GABRR2: variants seen among roughly 807,000 people sequenced by gnomAD.
The protein encoded by GABRR2 is gamma-aminobutyric acid receptor subunit rho-2.
In GABRR2, 36 loss-of-function variants were observed where a neutral mutation model predicts 47.0. The ratio of observed to expected loss-of-function variants is 0.77; its 90% CI spans 0.59 to 1.01. GABRR2 has a LOEUF of 1.01. Among genes scored for constraint, GABRR2 ranks in the 50% least tolerant of loss-of-function variants. The pLI is 0.00. For missense variants in GABRR2, 587 were observed against 594.6 expected, an observed-to-expected ratio of 0.99 and a Z score of 0.13; for synonymous variants, 204 against 227.5, an observed-to-expected ratio of 0.90 and a Z score of 0.93.
In GABRR2 at chr6:89,267,756, T is replaced by C. The variant is rs139525589; in HGVS notation, c.659A>G (p.Asp220Gly). Reference sequence around the variant, plus strand: ...AAACTGAGACAAGGAGATCTTCTCATCTGTTTTTAGGGATTCATCCCCATT... The same window carrying C: ...AAACTGAGACAAGGAGATCTTCTCACCTGTTTTTAGGGATTCATCCCCATT... ...WKNGDESLKT[D>G]EKISLSQFLI... Residue 220 changes from aspartate (D) to glycine (G), a missense_variant, in exon 6 of 9, where the codon GAT becomes GGT. By Grantham distance (94) the Asp-to-Gly change is moderately conservative. Transcript: ENST00000402938. The C allele has an allele frequency of 4.3e-6, 7 of 1,613,928 alleles. No individual in the cohort carries two copies. The African/African-American group carries it at 9.3e-5, about 22-fold the overall frequency.
At chr6:89,304,105 G>A (rs1014351610) in intron 1 of GABRR2, among the ~76,000 whole-genome samples, 6 of 152,124 alleles carry the variant, frequency 3.9e-5, no homozygotes, top group African/African-American at 1.4e-4. Context: ...ATTGAGAAAT[G>A]GGATCTTATT....
At chr6:89,304,743 C>T (rs1007965811) in intron 1 of GABRR2, among the ~76,000 whole-genome samples, 13 of 151,982 alleles carry the variant, frequency 8.6e-5, no homozygotes, top group Admixed American at 3.9e-4. Flanking sequence ...AATGAGATAC[C>T]GTCTCACACC....
At chr6:89,261,272 C>G (rs573708228) in intron 8 of GABRR2, among the ~76,000 whole-genome samples, 1 of 152,228 alleles carries the variant, frequency 6.6e-6, no homozygotes, top group Admixed American at 6.5e-5. Context: ...GGTCAGTGTA[C>G]AAATTACTGA....
At chr6:89,281,073 T>C (rs1774248940) in intron 2 of GABRR2, among the ~76,000 whole-genome samples, 1 of 152,246 alleles carries the variant, frequency 6.6e-6, no homozygotes, top group South Asian at 2.1e-4. Flanking sequence ...CAGAGATGAA[T>C]TTGAATAAGA....
chr6:89,302,780 C>T, intron 1 of GABRR2: 3 of 1,444,408 alleles, frequency 2.1e-6, no homozygotes, highest in South Asian at 2.3e-5. Flanking sequence ...AGAACAGCAG[C>T]TACTTCGTGG....
At chr6:89,297,243 AGTTT>A (rs1463672372) in intron 2 of GABRR2, among the ~76,000 whole-genome samples, 2 of 152,248 alleles carry the variant, frequency 1.3e-5, no homozygotes, top group Admixed American at 6.5e-5. Context: ...TCTGCTTAAA[AGTTT>A]GTTTTTCTTA....
At chr6:89,263,915 C>G (rs1228233162) in intron 8 of GABRR2, among the ~76,000 whole-genome samples, 1 of 152,200 alleles carries the variant, frequency 6.6e-6, no homozygotes, top group East Asian at 1.9e-4. Flanking sequence ...TTAGTCCTTA[C>G]TGTGGCTGAA....
intron 2 of GABRR2, among the ~76,000 whole-genome samples, chr6:89,275,916 C>T (rs1006166249): frequency 1.3e-5 from 2 of 152,066 alleles, no homozygotes; most frequent in Non-Finnish European, 2.9e-5. Flanking sequence ...TTAAAGCTCT[C>T]CGGAGTGGTA....
chr6:89,285,448 G>C (rs778893617), intron 2 of GABRR2, among the ~76,000 whole-genome samples: 24 of 152,196 alleles, frequency 1.6e-4, no homozygotes, highest in South Asian at 2.1e-4. Flanking sequence ...CTCCTAAACA[G>C]GTGATGAGCA....
Position 89,267,672 on chromosome 6 carries a change from T to C in GABRR2, c.736+7A>G, listed in dbSNP as rs146618576. 1.0e-4 allele frequency: 160 copies of C among 1,607,508 alleles called. No individual in the cohort carries two copies. In the East Asian group the frequency reaches 3.3e-3, roughly 34 times the overall value. On this transcript the variant is annotated splice_region_variant and intron_variant, in intron 6 of 8. Transcript: ENST00000402938. ...ATTTGAATCAGATTGTGGCAAAAGA[T>C]AGCTACCAGTGCTGCTGTAGAAGGC...
intron 3 of GABRR2, among the ~76,000 whole-genome samples, chr6:89,271,284 A>C (rs1362158538): frequency 2.0e-5 from 3 of 152,200 alleles, no homozygotes; most frequent in Admixed American, 2.0e-4. Context: ...CACTTGCAGC[A>C]GGAACTGAAC....
chr6:89,262,429 C>G (rs1386228622), intron 8 of GABRR2, among the ~76,000 whole-genome samples: 1 of 152,202 alleles, frequency 6.6e-6, no homozygotes, highest in East Asian at 1.9e-4. Context: ...TACTCCAACA[C>G]CTTCTCCTTC....
intron 1 of GABRR2, among the ~76,000 whole-genome samples, chr6:89,309,310 A>G (rs951979000): frequency 6.6e-6 from 1 of 152,098 alleles, no homozygotes; most frequent in Admixed American, 6.5e-5. Flanking sequence ...GCTCAGCAGA[A>G]GTGCCTAATG....
chr6:89,303,530 TTCA>T (rs1767497720), intron 1 of GABRR2, among the ~76,000 whole-genome samples: 1 of 151,634 alleles, frequency 6.6e-6, no homozygotes, highest in East Asian at 1.9e-4. Context: ...AATTTATAGA[TTCA>T]ATGCTATTTC....
rs564170120 is a variant in GABRR2, at chr6:89,271,568, C to T, written c.288+87G>A. 83 of 1,200,516 alleles carry T rather than the reference C, an allele frequency of 6.9e-5. No homozygotes were observed. In the East Asian group the frequency reaches 1.7e-3, roughly 24 times the overall value. The allele number at this position is 1,200,516 out of a possible 1,614,324, so 74.4% of individuals were successfully genotyped here. ...CGCCCATTTTATCACCTCCAGCTCC[C>T]GCTCTGCCCACACAGGCACAGCCTG... On this transcript the variant is annotated intron_variant, in intron 3 of 8. Transcript: ENST00000402938.
intron 8 of GABRR2, 71 bp downstream of exon 8, chr6:89,264,341 C>A (rs917121514): frequency 1.3e-6 from 2 of 1,504,868 alleles, no homozygotes; most frequent in East Asian, 4.8e-5. Flanking sequence ...TGCCTCTGCC[C>A]CCTGGCCCAG....
At position 89,267,704 on chromosome 6, in the gene GABRR2, G is replaced by A. The variant is rs531228504; in HGVS notation, c.711C>T (p.Ser237=). ...CAGTGCTGCTGTAGAAGGCCAGCCTGGAAGTTGTGTGAAATTTCTGAATCA... is the reference window on the plus strand; with the variant it reads ...CAGTGCTGCTGTAGAAGGCCAGCCTAGAAGTTGTGTGAAATTTCTGAATCA... The part of the protein sequence containing the change: ...QFLIQKFHTT[S]RLAFYSSTGW... The change falls in exon 6 of 9, where the codon TCC becomes TCT. Residue 237 remains serine (S), a synonymous_variant. Transcript: ENST00000402938. 6.2e-7 allele frequency: 1 copy of A among 1,613,834 alleles called. No individual in the cohort carries two copies.
intron 1 of GABRR2, among the ~76,000 whole-genome samples, chr6:89,313,431 C>T (rs1449075774): frequency 3.9e-5 from 6 of 152,212 alleles, no homozygotes; most frequent in Admixed American, 2.6e-4. Flanking sequence ...CCTGGAACCC[C>T]ATTTCACTCA....
At chr6:89,290,010 AGAGT>A (rs1774409307) in intron 2 of GABRR2, among the ~76,000 whole-genome samples, 1 of 152,186 alleles carries the variant, frequency 6.6e-6, no homozygotes. Flanking sequence ...CAGTCTCTTG[AGAGT>A]GAGAACTCAC....
Sources: allele counts gnomAD v4.1 joint callset (sites outside exome capture counted in the v4.1 genomes callset), GRCh38; gene constraint gnomAD v4.1.1; transcripts MANE v1.5; gene names NCBI Gene and HGNC (gene_info 2026-07-23, HGNC 2026-07-21).